Variants in CHST15 observed in about 807,000 individuals in gnomAD.
CHST15 encodes B cell RAG associated protein (GALNAC4S-6ST).
Under a neutral mutation model 53.6 loss-of-function variants are expected in CHST15, and 30 were observed. The ratio of observed to expected loss-of-function variants is 0.56; its 90% CI spans 0.42 to 0.76. The LOEUF is 0.76. Among genes scored for constraint, CHST15 ranks in the 30% least tolerant of loss-of-function variants. The pLI, the probability that CHST15 is intolerant of heterozygous loss-of-function variation, is 0.00. For synonymous variants in CHST15, 296 were observed against 289.8 expected (o/e 1.02, Z -0.22); for missense variants, 627 against 740.5 (o/e 0.85, Z 1.78).
At chr10:124,015,033 C>T (rs907458745) in intron 6 of CHST15, among the ~76,000 whole-genome samples, 16 of 152,170 alleles carry the variant, frequency 1.1e-4, no homozygotes, top group African/African-American at 3.1e-4. Context: ...GCTCCCCTCC[C>T]GCTTTGTGCC....
At chr10:124,020,497 G>A (rs1479558553) in intron 6 of CHST15, 1 of 985,394 alleles carries the variant, frequency 1.0e-6, no homozygotes, top group Non-Finnish European at 1.2e-6. Context: ...AAGAAAGAGG[G>A]GGCAGAGCCT....
intron 1 of CHST15, among the ~76,000 whole-genome samples, chr10:124,060,972 C>T (rs1048691337): frequency 1.3e-4 from 20 of 152,252 alleles, no homozygotes; most frequent in African/African-American, 4.8e-4. Flanking sequence ...AGCTGGGAAC[C>T]TGCTTCCTCT....
At chr10:124,068,436 C>A (rs185423212) in intron 1 of CHST15, among the ~76,000 whole-genome samples, 1 of 152,288 alleles carries the variant, frequency 6.6e-6, no homozygotes, top group East Asian at 1.9e-4. Context: ...TGGCAGTGCT[C>A]CTCATCATGG....
chr10:124,017,557 A>C (rs753480111), intron 6 of CHST15, among the ~76,000 whole-genome samples: 13 of 152,078 alleles, frequency 8.5e-5, no homozygotes, highest in Non-Finnish European at 1.8e-4. Flanking sequence ...CCAAGCACAC[A>C]ACTGGTCACA....
At chr10:124,061,343 T>C (rs113559598) in intron 1 of CHST15, among the ~76,000 whole-genome samples, 5,735 of 152,246 alleles carry the variant, frequency 0.038, 140 homozygotes, top group Non-Finnish European at 0.056. Context: ...AAGCACGAGA[T>C]CTGATGGGTT....
At chr10:124,040,832 A>G (rs941189843) in intron 4 of CHST15, among the ~76,000 whole-genome samples, 1 of 152,290 alleles carries the variant, frequency 6.6e-6, no homozygotes, top group Non-Finnish European at 1.5e-5. Flanking sequence ...ATATCAGCAC[A>G]GTGATTTTAT....
At chr10:124,017,872 G>A (rs1016774980) in intron 6 of CHST15, among the ~76,000 whole-genome samples, 2 of 152,192 alleles carry the variant, frequency 1.3e-5, no homozygotes, top group East Asian at 1.9e-4. Flanking sequence ...CTTCCCATCC[G>A]TACTCTGACC....
intron 1 of CHST15, among the ~76,000 whole-genome samples, chr10:124,081,025 TG>T (rs1464680719): frequency 6.6e-6 from 1 of 152,216 alleles, no homozygotes; most frequent in African/African-American, 2.4e-5. Context: ...GCCTCCAGCC[TG>T]GGCCACTGTG....
At chr10:124,087,312 C>T (rs1347851404) in intron 1 of CHST15, among the ~76,000 whole-genome samples, 1 of 152,214 alleles carries the variant, frequency 6.6e-6, no homozygotes, top group African/African-American at 2.4e-5. Context: ...ATCGCCACTT[C>T]TCCTTGTATG....
rs147726459 is a variant in CHST15 at position 124,046,021 on chromosome 10, C to T, written c.192G>A (p.Gly64=). The stretch of plus-strand genomic sequence containing the variant: ...GCAAAAACCCACCCCAGTTTTCGTT[C>T]CCTTCAGTCCTCACTTCGAGAACAG... ...LLAVLEVRTE[G]NENWGGFLRF... The change falls in exon 2 of 8, where the codon GGG becomes GGA. Residue 64 remains glycine, a synonymous_variant. Coordinates refer to ENST00000435907, the MANE Select transcript of CHST15 (RefSeq NM_001270764.2). The T allele has an allele frequency of 6.8e-4, 1,104 of 1,614,152 alleles. 2 individuals carry two copies. The highest frequency in any genetic ancestry group is 2.3e-3 in the Middle Eastern group (14 of 6,062).
intron 5 of CHST15, among the ~76,000 whole-genome samples, chr10:124,025,750 C>T (rs527714007): frequency 1.4e-4 from 21 of 152,142 alleles, no homozygotes; most frequent in African/African-American, 5.1e-4. Context: ...AATCCAATGG[C>T]AGGTGTCCTT....
rs754189595 is a variant in CHST15, at chr10:124,021,271, G to A, written c.1332C>T (p.Leu444=). Reference sequence around the variant, plus strand: ...GGGTACACACAGGCATGGCGTTGTTGAGGGTGTTGTTGTAGACGCAGGCGC... The same window carrying A: ...GGGTACACACAGGCATGGCGTTGTTAAGGGTGTTGTTGTAGACGCAGGCGC... ...SLRACVYNNT[L]NNAMPVRLQV... The change falls in exon 6 of 8, where the codon CTC becomes CTT. Residue 444 remains leucine, a synonymous_variant. Transcript: ENST00000435907. 1.9e-6 allele frequency: 3 copies of A among 1,606,096 alleles called. No homozygotes were observed. The highest frequency in any genetic ancestry group is 2.6e-6 in the Non-Finnish European group (3 of 1,175,334).
intron 6 of CHST15, among the ~76,000 whole-genome samples, chr10:124,014,436 A>T (rs1946519387): frequency 6.6e-6 from 1 of 152,212 alleles, no homozygotes; most frequent in Non-Finnish European, 1.5e-5. Flanking sequence ...TGCCTTCAAA[A>T]TTCATTAGCT....
At chr10:124,029,474 G>C (rs1947136412) in intron 5 of CHST15, among the ~76,000 whole-genome samples, 1 of 152,194 alleles carries the variant, frequency 6.6e-6, no homozygotes, top group Non-Finnish European at 1.5e-5. Context: ...GTGCACGAGT[G>C]GGGTTCCCAG....
At chr10:124,060,540 C>T (rs911213152) in intron 1 of CHST15, among the ~76,000 whole-genome samples, 20 of 149,538 alleles carry the variant, frequency 1.3e-4, no homozygotes, top group African/African-American at 5.0e-4. Flanking sequence ...TTGTGCCAGA[C>T]CCCCAGGGGT....
chr10:124,028,059 T>C (rs924722643), intron 5 of CHST15, among the ~76,000 whole-genome samples: 21 of 152,212 alleles, frequency 1.4e-4, no homozygotes, highest in African/African-American at 5.1e-4. Flanking sequence ...AGGAGACTGA[T>C]AAACAATTAC....
rs752664325 is a variant in CHST15 at position 124,010,267 on chromosome 10, C to T, written c.1568G>A (p.Arg523Gln). The T allele has an allele frequency of 2.5e-6, 4 of 1,613,924 alleles. No individual in the cohort carries two copies. The highest frequency in any genetic ancestry group is 1.7e-5 in the Admixed American group (1 of 59,992). Residue 523 changes from arginine to glutamine, a missense_variant, in exon 8 of 8, where the codon CGG (arginine) becomes CAG (glutamine). Arg to Gln is a conservative substitution (Grantham distance 43). This residue lies in a region of CHST15 where 279 missense variants were observed against 371.6 expected (regional missense o/e 0.75). Coordinates refer to ENST00000435907, the MANE Select transcript of CHST15 (RefSeq NM_001270764.2). ...PASNARRPEDRNLGPMWPITQ... is the reference protein window; with the variant it reads ...PASNARRPEDQNLGPMWPITQ... ...GATGGGCCACATGGGCCCCAGGTTCCGGTCCTCGGGACGCCGTGCATTGGA... is the reference window on the plus strand; with the variant it reads ...GATGGGCCACATGGGCCCCAGGTTCTGGTCCTCGGGACGCCGTGCATTGGA...
intron 1 of CHST15, among the ~76,000 whole-genome samples, chr10:124,057,945 C>T (rs1682699233): frequency 6.9e-6 from 1 of 145,328 alleles, no homozygotes; most frequent in African/African-American, 2.7e-5. Flanking sequence ...GGACCAGAGA[C>T]TTCAAATATG....
Position 124,073,824 on chromosome 10 carries a change from C to T in CHST15, c.-513+19645G>A, listed in dbSNP as rs187414016. ...TTAAAATGGTTAACAGAGCTCGTAA[C>T]CACTTAGGGCTTATTTTACGACCCG... On this transcript the variant is annotated intron_variant, in intron 1 of 7. Coordinates refer to ENST00000435907, the MANE Select transcript of CHST15 (RefSeq NM_001270764.2). Among the ~76,000 whole-genome samples, 32 of 152,308 alleles carry T rather than the reference C, an allele frequency of 2.1e-4. No individual in the cohort carries two copies. In the East Asian group the frequency reaches 4.4e-3, roughly 21 times the overall value.
Sources: allele counts gnomAD v4.1 joint callset (sites outside exome capture counted in the v4.1 genomes callset), GRCh38; gene constraint gnomAD v4.1.1; regional missense constraint gnomAD v4.1.1; transcripts MANE v1.5; gene names NCBI Gene and HGNC (gene_info 2026-07-23, HGNC 2026-07-21).